The following ANKS1A variants were observed in gnomAD, a reference collection of about 807,000 sequenced individuals.
The protein encoded by ANKS1A is ankyrin repeat and SAM domain-containing protein 1A.
ANKS1A carries 55 observed loss-of-function variants against 120.3 expected under a neutral mutation model. The observed-to-expected ratio is 0.46, with a 90% CI of 0.37 to 0.57. The LOEUF is 0.57. Among genes scored for constraint, ANKS1A ranks in the 20% least tolerant of loss-of-function variants. ANKS1A has a pLI of 0.00. For synonymous variants in ANKS1A, 590 were observed against 604.7 expected, an observed-to-expected ratio of 0.98 and a Z score of 0.36; for missense variants, 1,123 against 1,480.3, an observed-to-expected ratio of 0.76 and a Z score of 3.96.
chr6:35,095,694 C>T (rs1270760158), downstream of ANKS1A, among the ~76,000 whole-genome samples: 2 of 145,480 alleles, frequency 1.4e-5, no homozygotes, highest in South Asian at 2.1e-4. Flanking sequence ...TGCATAAATG[C>T]CTGGTAACAA....
Position 34,994,552 on chromosome 6 carries a change from C to T in ANKS1A, c.1423+130C>T, listed in dbSNP as rs1464973274. ...TGTGGTGGTTGGGTTTCACGATGATCTGGGATGGTGGGTCCATTATGGCTT... is the reference window on the plus strand; with the variant it reads ...TGTGGTGGTTGGGTTTCACGATGATTTGGGATGGTGGGTCCATTATGGCTT... On this transcript the variant is annotated intron_variant, in intron 10 of 23. Transcript: ENST00000360359. The T allele has an allele frequency of 5.1e-6, 7 of 1,364,820 alleles. No individual in the cohort carries two copies. In the Admixed American group the frequency reaches 8.1e-5, roughly 16 times the overall value. The allele number at this position is 1,364,820 out of a possible 1,614,324, so 84.5% of individuals were successfully genotyped here.
chr6:35,017,499 A>G lies in ANKS1A; in HGVS notation c.1450A>G (p.Ser484Gly). The part of the protein sequence containing the change: ...KDHRRSSSSR[S>G]QDSAEGQDGQ... ...CCACAGGCGGAGCAGCAGCAGCCGG[A>G]GCCAGGACTCTGCGGAGGGGCAGGA... Residue 484 changes from serine to glycine, a missense_variant, in exon 11 of 24, where the codon AGC becomes GGC. Physicochemically the swap from Ser to Gly is moderately conservative, Grantham distance 56 (BLOSUM62 0). Around this residue, in one of 3 missense-constraint regions of ANKS1A, gnomAD observed 904 missense variants for 1,130.4 expected, o/e 0.80. Coordinates refer to ENST00000360359, the MANE Select transcript of ANKS1A (RefSeq NM_015245.3). 6.2e-7 allele frequency: 1 copy of G among 1,612,854 alleles called. No individual in the cohort carries two copies. Among genetic ancestry groups the G allele is most frequent in the Non-Finnish European group, 8.5e-7 (1 of 1,179,348 alleles).
chr6:34,980,954 T>G (rs968246774), intron 3 of ANKS1A, among the ~76,000 whole-genome samples: 1 of 152,238 alleles, frequency 6.6e-6, no homozygotes, highest in African/African-American at 2.4e-5. Flanking sequence ...ACACAAAACA[T>G]GCCAGCGTTT....
intron 1 of ANKS1A, among the ~76,000 whole-genome samples, chr6:34,921,802 A>G (rs1046543353): frequency 1.3e-5 from 2 of 152,152 alleles, no homozygotes; most frequent in African/African-American, 4.8e-5. Context: ...GGCTTAAGCG[A>G]TCCTCCCACT....
At chr6:35,023,499 C>G (rs564136777) in intron 11 of ANKS1A, 29 of 284,464 alleles carry the variant, frequency 1.0e-4, no homozygotes, top group African/African-American at 6.2e-4. Flanking sequence ...CTGGAAGCAC[C>G]AGAGCTGTGG....
chr6:34,943,657 A>T (rs1401694836), intron 1 of ANKS1A, among the ~76,000 whole-genome samples: 3 of 152,210 alleles, frequency 2.0e-5, no homozygotes, highest in South Asian at 4.1e-4. Flanking sequence ...GCTTTTACTG[A>T]AATATCTAGT....
intron 11 of ANKS1A, chr6:35,038,332 T>G: frequency 2.2e-6 from 1 of 456,692 alleles, no homozygotes; most frequent in Non-Finnish European, 4.4e-6. Context: ...GCATTCTTAC[T>G]GAGATAGTCC....
At chr6:35,000,569 C>T (rs867597848) in intron 10 of ANKS1A, among the ~76,000 whole-genome samples, 15 of 151,208 alleles carry the variant, frequency 9.9e-5, no homozygotes, top group African/African-American at 3.4e-4. Flanking sequence ...ATAAATTAAC[C>T]GGTTGTTTAA....
chr6:34,950,880 G>A (rs1770062034), intron 1 of ANKS1A, among the ~76,000 whole-genome samples: 1 of 152,178 alleles, frequency 6.6e-6, no homozygotes, highest in Admixed American at 6.5e-5. Context: ...AGAAGGTGAG[G>A]TGGCATGGAG....
downstream of ANKS1A, among the ~76,000 whole-genome samples, chr6:35,095,173 A>C (rs1211786135): frequency 2.6e-5 from 4 of 151,558 alleles, no homozygotes; most frequent in African/African-American, 9.7e-5. Flanking sequence ...ACTGAAAAAA[A>C]TAATGCCTGA....
At chr6:34,952,143 C>G (rs924969945) in intron 1 of ANKS1A, among the ~76,000 whole-genome samples, 1 of 152,168 alleles carries the variant, frequency 6.6e-6, no homozygotes, top group Non-Finnish European at 1.5e-5. Flanking sequence ...TAAGTTATTT[C>G]CGTCCATGCT....
intron 13 of ANKS1A, among the ~76,000 whole-genome samples, chr6:35,061,503 G>A (rs1313479433): frequency 3.3e-5 from 5 of 152,140 alleles, no homozygotes; most frequent in Non-Finnish European, 5.9e-5. Flanking sequence ...AGGGTTTCTC[G>A]CTGATCGGGT....
At chr6:34,958,164 A>G (rs1770460779) in intron 1 of ANKS1A, among the ~76,000 whole-genome samples, 1 of 152,060 alleles carries the variant, frequency 6.6e-6, no homozygotes, top group African/African-American at 2.4e-5. Context: ...ACAAATTCAA[A>G]ATAAAACTCC....
intron 1 of ANKS1A, among the ~76,000 whole-genome samples, chr6:34,909,089 C>T (rs1382189075): frequency 1.3e-5 from 2 of 152,084 alleles, no homozygotes; most frequent in African/African-American, 2.4e-5. Flanking sequence ...CCAAAAATGC[C>T]GTCCTTGAGG....
intron 13 of ANKS1A, among the ~76,000 whole-genome samples, chr6:35,067,002 C>T (rs929498200): frequency 1.3e-5 from 2 of 152,200 alleles, no homozygotes; most frequent in Non-Finnish European, 2.9e-5. Context: ...TTAGCAGGTC[C>T]TGCTTTCTTA....
rs145049557 is a variant in ANKS1A at position 35,029,140 on chromosome 6, A to G, written c.2010+11081A>G. On this transcript the variant is annotated intron_variant, in intron 11 of 23. Coordinates refer to ENST00000360359, the MANE Select transcript of ANKS1A (RefSeq NM_015245.3). Reference sequence around the variant, plus strand: ...ATATGTTTACAAAACACTACTTTCTATATTCCTTTTCTCTTTTTTTTTTAA... The same window carrying G: ...ATATGTTTACAAAACACTACTTTCTGTATTCCTTTTCTCTTTTTTTTTTAA... 3.5e-4 allele frequency among the ~76,000 whole-genome samples: 53 copies of G among 151,686 alleles called. No individual in the cohort carries two copies. In the East Asian group the frequency reaches 4.1e-3, roughly 12 times the overall value.
intron 13 of ANKS1A, chr6:35,070,812 CCT>C (rs201379774): frequency 0.018 from 9,093 of 496,470 alleles, 211 homozygotes; most frequent in African/African-American, 0.085. Context: ...CCCAGACACC[CCT>C]TTCTTTTTTC....
rs887784822 is a variant in ANKS1A, at chr6:35,084,827, G to A, written c.3132+569G>A. On this transcript the variant is annotated intron_variant, in intron 21 of 23. Transcript: ENST00000360359. The surrounding 1 kb of genome is among the most constrained non-coding windows in gnomAD (Gnocchi z 4.8). ...GCTCGGCTCTGGATGCCACTGGGCC[G>A]AGGAGAGTTCATTCTCACACAGCTG... Among the ~76,000 whole-genome samples, 25 of 152,276 alleles carry A rather than the reference G, an allele frequency of 1.6e-4. No homozygotes were observed. The highest frequency in any genetic ancestry group is 3.6e-4 in the African/African-American group (15 of 41,552).
At chr6:35,034,457 G>C (rs1775056407) in intron 11 of ANKS1A, among the ~76,000 whole-genome samples, 1 of 152,162 alleles carries the variant, frequency 6.6e-6, no homozygotes, top group Non-Finnish European at 1.5e-5. Context: ...ATTGACGTTA[G>C]TCAGAGCATC....
Sources: gnomAD v4.1 joint callset for allele counts (sites outside exome capture counted in the v4.1 genomes callset) on GRCh38, gnomAD v4.1.1 for gene constraint, gnomAD v4.1.1 regional missense constraint, Gnocchi (gnomAD v3.1) non-coding constraint, MANE v1.5 for transcripts, NCBI Gene and HGNC (gene_info 2026-07-23, HGNC 2026-07-21) for gene names.